Variants in TUSC3 observed in about 807,000 individuals in gnomAD.
The protein encoded by TUSC3 is dolichyl-diphosphooligosaccharide--protein glycosyltransferase subunit TUSC3.
In TUSC3, 45 loss-of-function variants were observed where a neutral mutation model predicts 44.8. That is an observed-to-expected ratio of 1.00 (90% CI 0.79 to 1.29). The LOEUF (loss-of-function observed/expected upper bound fraction) is 1.29, where lower values mean the gene tolerates loss of function less well. TUSC3 is among the 50% of genes most tolerant of loss of function. The pLI is 0.00. For missense variants in TUSC3, 519 were observed against 437.9 expected, an observed-to-expected ratio of 1.19 and a Z score of -1.65; for synonymous variants, 212 against 152.9, an observed-to-expected ratio of 1.39 and a Z score of -2.85.
chr8:15,583,541 C>T (rs1361006061), intron 1 of TUSC3, among the ~76,000 whole-genome samples: 2 of 152,034 alleles, frequency 1.3e-5, no homozygotes, highest in East Asian at 3.9e-4. Flanking sequence ...TTTGTAGCTC[C>T]AGAGAGCAAA....
At chr8:15,619,268 T>G (rs1167530464) in intron 1 of TUSC3, among the ~76,000 whole-genome samples, 1 of 152,194 alleles carries the variant, frequency 6.6e-6, no homozygotes, top group Admixed American at 6.5e-5. Context: ...TTCCAGCTTT[T>G]AAATAATTGA....
chr8:15,747,726 G>C (rs1017001571), intron 8 of TUSC3, among the ~76,000 whole-genome samples: 2 of 151,992 alleles, frequency 1.3e-5, no homozygotes, highest in Non-Finnish European at 2.9e-5. Flanking sequence ...CAGCACATTC[G>C]ACTATAACAT....
chr8:15,450,893 A>G (rs952409525), intron 1 of TUSC3, among the ~76,000 whole-genome samples: 4 of 152,084 alleles, frequency 2.6e-5, no homozygotes, highest in South Asian at 2.1e-4. Flanking sequence ...GGCAGAAACA[A>G]TGCCTGAAAC....
chr8:15,491,109 C>T (rs553905424), intron 2 of TUSC3, among the ~76,000 whole-genome samples: 1 of 152,152 alleles, frequency 6.6e-6, no homozygotes, highest in Admixed American at 6.5e-5. Context: ...GTCTCGTGCT[C>T]AGTGAATCTG....
chr8:15,600,184 A>G (rs573703548), intron 1 of TUSC3, among the ~76,000 whole-genome samples: 2 of 151,904 alleles, frequency 1.3e-5, no homozygotes, highest in East Asian at 3.9e-4. Context: ...TAAAATTCTA[A>G]TTCATTTTCC....
chr8:15,618,951 T>G (rs1044332168), intron 1 of TUSC3, among the ~76,000 whole-genome samples: 3 of 152,174 alleles, frequency 2.0e-5, no homozygotes, highest in Non-Finnish European at 4.4e-5. Flanking sequence ...GTGATTAACA[T>G]CACTGCGACA....
At chr8:15,708,979 C>T (rs937693794) in intron 6 of TUSC3, among the ~76,000 whole-genome samples, 3 of 151,830 alleles carry the variant, frequency 2.0e-5, no homozygotes, top group Non-Finnish European at 2.9e-5. Flanking sequence ...CAAAGTAGTA[C>T]TTAATTTAGA....
intron 1 of TUSC3, among the ~76,000 whole-genome samples, chr8:15,550,734 T>C (rs1052514913): frequency 4.0e-5 from 6 of 151,552 alleles, no homozygotes; most frequent in African/African-American, 1.4e-4. Context: ...TGCAGTGGCA[T>C]GGTCTCATCT....
intron 1 of TUSC3, among the ~76,000 whole-genome samples, chr8:15,421,911 G>C (rs1049468248): frequency 1.4e-4 from 22 of 152,052 alleles, no homozygotes; most frequent in African/African-American, 5.3e-4. Flanking sequence ...AATGCATCTT[G>C]AATTCAATTG....
At chr8:15,486,598 C>A (rs1365846580) in intron 2 of TUSC3, among the ~76,000 whole-genome samples, 1 of 152,068 alleles carries the variant, frequency 6.6e-6, no homozygotes, top group African/African-American at 2.4e-5. Context: ...GCGCCCGCCA[C>A]CATGCCCTGC....
chr8:15,541,925 G>T (rs1362024868), intron 1 of TUSC3, among the ~76,000 whole-genome samples: 2 of 151,636 alleles, frequency 1.3e-5, no homozygotes, highest in East Asian at 3.9e-4. Context: ...TATCTCCTAG[G>T]ACGATCCCTA....
chr8:15,512,959 T>C (rs1801162830), intron 2 of TUSC3, among the ~76,000 whole-genome samples: 1 of 139,826 alleles, frequency 7.2e-6, no homozygotes, highest in African/African-American at 2.7e-5. Context: ...TATATATATA[T>C]GATTCTTTTT....
chr8:15,597,587 T>C (rs1459257445), intron 1 of TUSC3, among the ~76,000 whole-genome samples: 1 of 152,098 alleles, frequency 6.6e-6, no homozygotes, highest in East Asian at 1.9e-4. Flanking sequence ...TCTAAAATAC[T>C]AACAACATCT....
chr8:15,567,820 A>G (rs1020888751), intron 1 of TUSC3, among the ~76,000 whole-genome samples: 4 of 152,202 alleles, frequency 2.6e-5, no homozygotes, highest in Non-Finnish European at 5.9e-5. Flanking sequence ...GCTAAGGACT[A>G]TCTCCTGTGG....
intron 1 of TUSC3, among the ~76,000 whole-genome samples, chr8:15,463,733 A>C (rs527673264): frequency 2.0e-5 from 3 of 152,182 alleles, no homozygotes; most frequent in Non-Finnish European, 4.4e-5. Flanking sequence ...GGGAAAACTC[A>C]TACAGCTTGG....
At chr8:15,809,956 C>T in the TUSC3 span, among the ~76,000 whole-genome samples, 1 of 152,130 alleles carries the variant, frequency 6.6e-6, no homozygotes, top group South Asian at 2.1e-4. Context: ...CTTGTTAAAC[C>T]TCCTAGTTAA....
the TUSC3 span, among the ~76,000 whole-genome samples, chr8:15,845,704 G>A: frequency 6.6e-6 from 1 of 152,108 alleles, no homozygotes. Context: ...GTTTGCTCTA[G>A]GGGTTTGGAA....
At chr8:15,712,790 CAGGTCACAGTAAGGGTCACTT>C (rs1298881609) in intron 6 of TUSC3, among the ~76,000 whole-genome samples, 2 of 152,132 alleles carry the variant, frequency 1.3e-5, no homozygotes, top group African/African-American at 4.8e-5. Context: ...CTAGTCTTCA[CAGGTCACAGTAAGGGTCACTT>C]TAGATGACCT....
chr8:15,454,629 C>G (rs972414650), intron 1 of TUSC3, among the ~76,000 whole-genome samples: 2 of 152,122 alleles, frequency 1.3e-5, no homozygotes, highest in Non-Finnish European at 2.9e-5. Flanking sequence ...TTTATAGTTC[C>G]CCTTGACTTG....
Sources: allele counts gnomAD v4.1 joint callset (sites outside exome capture counted in the v4.1 genomes callset), GRCh38; gene constraint gnomAD v4.1.1; transcripts MANE v1.5; gene names NCBI Gene and HGNC (gene_info 2026-07-23, HGNC 2026-07-21).